PTPRF: variants seen among roughly 807,000 people sequenced by gnomAD.
PTPRF encodes protein tyrosine phosphatase receptor type F, also known as receptor-type tyrosine-protein phosphatase F.
Under a neutral mutation model 201.8 loss-of-function variants are expected in PTPRF, and 59 were observed. The ratio of observed to expected loss-of-function variants is 0.29; its 90% CI spans 0.24 to 0.36. The LOEUF (loss-of-function observed/expected upper bound fraction) is 0.36. PTPRF is among the 10% of genes least tolerant of loss of function. PTPRF has a pLI of 1.00. For synonymous variants in PTPRF, 1,088 were observed against 1,089.7 expected (o/e 1.00, Z 0.03); for missense variants, 2,132 against 2,690.5 (o/e 0.79, Z 4.59).
intron 23 of PTPRF, 132 bp from the exon 24 acceptor site, chr1:43,617,313 T>G: frequency 7.6e-7 from 1 of 1,319,434 alleles, no homozygotes; most frequent in Non-Finnish European, 1.0e-6. Context: ...CACCACGAGA[T>G]AGAGGGCCTG....
rs979905858 is a variant in PTPRF, at chr1:43,553,317, T to C, written c.92-175T>C. 7.2e-5 allele frequency among the ~76,000 whole-genome samples: 11 copies of C among 152,140 alleles called. No homozygotes were observed. Among genetic ancestry groups the C allele is most frequent in the African/African-American group, 2.7e-4 (11 of 41,432 alleles). ...ACTCACCTCATATGCTTAACAGAGT[T>C]AAAAAATGTTAAACTCTCTGAACAG... On this transcript the variant is annotated intron_variant, in intron 3 of 33. Transcript: ENST00000359947. This position sits in a 1 kb window ranked among gnomAD's most constrained non-coding sequence, Gnocchi z 4.1.
Position 43,553,666 on chromosome 1 carries a change from G to A in PTPRF, c.237+29G>A, listed in dbSNP as rs1385240597. 1 of 1,613,312 alleles carries A rather than the reference G, an allele frequency of 6.2e-7. No individual in the cohort carries two copies. On this transcript the variant is annotated intron_variant, in intron 4 of 33. Transcript: ENST00000359947. This position sits in a 1 kb window ranked among gnomAD's most constrained non-coding sequence, Gnocchi z 4.1. ...CGTCTGTGGTGGGAAGGGGTCGGCA[G>A]GGCTCAGGGTCTGCCCACACTCTCT...
At chr1:43,608,052 A>T (rs140926479) in intron 21 of PTPRF, among the ~76,000 whole-genome samples, 1 of 152,190 alleles carries the variant, frequency 6.6e-6, no homozygotes, top group African/African-American at 2.4e-5. Context: ...CCTACCCTGG[A>T]CCCACTGTTC....
At chr1:43,608,773 G>A (rs935239131) in intron 21 of PTPRF, among the ~76,000 whole-genome samples, 6 of 152,176 alleles carry the variant, frequency 3.9e-5, no homozygotes, top group Admixed American at 6.5e-5. Context: ...TCTTCTTTCC[G>A]AAGCACATGC....
Position 43,553,484 on chromosome 1 carries a change from T to C in PTPRF, c.92-8T>C. 6.2e-7 allele frequency: 1 copy of C among 1,613,412 alleles called. No homozygotes were observed. Among genetic ancestry groups the C allele is most frequent in the Non-Finnish European group, 8.5e-7 (1 of 1,179,480 alleles). ...GCTGTGGTGACTTGGTGTCTCCATC[T>C]CTTCCAGGCAAACCTGTCTTCATTA... On this transcript the variant is annotated splice_polypyrimidine_tract_variant and splice_region_variant and intron_variant, in intron 3 of 33. Coordinates refer to ENST00000359947, the MANE Select transcript of PTPRF (RefSeq NM_002840.5). This position sits in a 1 kb window ranked among gnomAD's most constrained non-coding sequence, Gnocchi z 4.1.
chr1:43,609,251 A>G, intron 21 of PTPRF, 132 bp from the exon 22 acceptor site: 1 of 692,276 alleles, frequency 1.4e-6, no homozygotes, highest in Non-Finnish European at 2.5e-6. Flanking sequence ...GCGCTCAGAG[A>G]TCCTGGGAAG....
chr1:43,598,181 C>T (rs2154021051), intron 12 of PTPRF, 128 bp downstream of exon 12: 2 of 1,015,614 alleles, frequency 2.0e-6, no homozygotes, highest in Admixed American at 3.4e-5. Context: ...GGTGTAATGG[C>T]CTAAAGTGGG....
In PTPRF at chr1:43,588,472, A is replaced by T. The variant is rs188843171; in HGVS notation, c.680-259A>T. On this transcript the variant is annotated intron_variant, in intron 7 of 33. Transcript: ENST00000359947. This position sits in a 1 kb window ranked among gnomAD's most constrained non-coding sequence, Gnocchi z 5.3. ...AGGCCTCAGTTTCCTAGGCTATAAA[A>T]TGGGAGCTTGGTTGCAAGATCTCTC... 6.6e-6 allele frequency among the ~76,000 whole-genome samples: 1 copy of T among 152,230 alleles called. No homozygotes were observed. The highest frequency in any genetic ancestry group is 1.9e-4 in the East Asian group (1 of 5,162).
At chr1:43,577,646 A>AG (rs1041092605) in intron 6 of PTPRF, among the ~76,000 whole-genome samples, 4 of 152,064 alleles carry the variant, frequency 2.6e-5, no homozygotes, top group South Asian at 2.1e-4. Flanking sequence ...CAGTCCAGGC[A>AG]GGGGGGGCCC....
At chr1:43,552,644 G>A (rs1303290470) in intron 3 of PTPRF, among the ~76,000 whole-genome samples, 3 of 152,182 alleles carry the variant, frequency 2.0e-5, no homozygotes, top group African/African-American at 7.2e-5. Context: ...CAAGATTAAC[G>A]AGCTATTGCT....
rs141490430 is a variant in PTPRF, at chr1:43,621,957, G to A, written c.5678G>A (p.Arg1893His). The A allele has an allele frequency of 5.7e-4, 916 of 1,614,104 alleles. No homozygotes were observed. Among genetic ancestry groups the A allele is most frequent in the South Asian group, 1.1e-3 (104 of 91,078 alleles). The part of the protein sequence containing the change: ...QTEDQYQLCY[R>H]AALEYLGSFD... ...CAGGACCAGTATCAGCTGTGCTACC[G>A]TGCGGCCCTGGAGTACCTCGGCAGC... Residue 1893 changes from arginine (R) to histidine (H), a missense_variant, in exon 34 of 34, where the codon CGT becomes CAT. By Grantham distance (29) the Arg-to-His change is conservative. Transcript: ENST00000359947.
intron 6 of PTPRF, chr1:43,575,973 G>T (rs1327187007): frequency 1.5e-6 from 2 of 1,360,142 alleles, no homozygotes; most frequent in African/African-American, 3.0e-5. Context: ...CCTTGCCACT[G>T]CCGTCACCTC....
intron 6 of PTPRF, among the ~76,000 whole-genome samples, chr1:43,571,580 G>A (rs1161204172): frequency 6.6e-6 from 1 of 152,208 alleles, no homozygotes; most frequent in Non-Finnish European, 1.5e-5. Context: ...AAGTTGGTTT[G>A]AGAGCTCTCA....
In PTPRF at chr1:43,604,197, C is replaced by T; in HGVS notation, c.3037+8C>T. On this transcript the variant is annotated splice_region_variant and intron_variant, in intron 16 of 33. Transcript: ENST00000359947. Reference sequence around the variant, plus strand: ...CCATGCCGGTGGAGCAAGGTGTGTGCTGTGGACATGGCATCCCTTCCCGAG... The same window carrying T: ...CCATGCCGGTGGAGCAAGGTGTGTGTTGTGGACATGGCATCCCTTCCCGAG... 6.2e-7 allele frequency: 1 copy of T among 1,611,058 alleles called. No individual in the cohort carries two copies. Among genetic ancestry groups the T allele is most frequent in the East Asian group, 2.2e-5 (1 of 44,824 alleles).
At chr1:43,596,753 G>A (rs1318839461) in intron 11 of PTPRF, among the ~76,000 whole-genome samples, 1 of 152,234 alleles carries the variant, frequency 6.6e-6, no homozygotes, top group African/African-American at 2.4e-5. Flanking sequence ...TTCTCCATAT[G>A]TGGCTGTGTG....
intron 2 of PTPRF, among the ~76,000 whole-genome samples, chr1:43,540,668 A>G (rs2782639): frequency 0.27 from 40,471 of 152,142 alleles, 6,059 homozygotes; most frequent in South Asian, 0.43. Context: ...AGATGGAGAA[A>G]CTGAGAGCTG....
In PTPRF at chr1:43,606,795, G is replaced by C. The variant is rs1326971623; in HGVS notation, c.3703-19G>C. On this transcript the variant is annotated intron_variant, in intron 20 of 33. Transcript: ENST00000359947. ...TCTCACGCTGAGCTCACAGCCTGCT[G>C]TTCTCCACCGGGCCACAGAAGCGCT... is the stretch of plus-strand genomic sequence containing the variant. 1 of 1,610,558 alleles carries C rather than the reference G, an allele frequency of 6.2e-7. No individual in the cohort carries two copies. Among genetic ancestry groups the C allele is most frequent in the Non-Finnish European group, 8.5e-7 (1 of 1,178,638 alleles).
Position 43,545,851 on chromosome 1 carries a change from T to C in PTPRF, c.91+685T>C, listed in dbSNP as rs186212495. Among the ~76,000 whole-genome samples, 160 of 152,286 alleles carry C rather than the reference T, an allele frequency of 1.1e-3. 1 individual carries two copies. Among genetic ancestry groups the C allele is most frequent in the Middle Eastern group, 3.4e-3 (1 of 294 alleles). On this transcript the variant is annotated intron_variant, in intron 3 of 33. Transcript: ENST00000359947. ...GGAATTGTCCCCATCCAGATCCAACTCCGAACTTTGGTCCCTTTCCTGCTG... is the reference window on the plus strand; with the variant it reads ...GGAATTGTCCCCATCCAGATCCAACCCCGAACTTTGGTCCCTTTCCTGCTG...
At position 43,620,137 on chromosome 1, in the gene PTPRF, G is replaced by A. The variant is rs1337188800; in HGVS notation, c.5154G>A (p.Glu1718=). 1 of 1,614,102 alleles carries A rather than the reference G, an allele frequency of 6.2e-7. No homozygotes were observed. Among genetic ancestry groups the A allele is most frequent in the Admixed American group, 1.7e-5 (1 of 60,016 alleles). Residue 1718 remains glutamate, a synonymous_variant, in exon 30 of 34, where the codon GAG becomes GAA. Transcript: ENST00000359947. ...TAGCTACACAGGGGCCTCTGGCAGA[G>A]AGCACCGAGGACTTCTGGCGCATGC... is the stretch of plus-strand genomic sequence containing the variant. ...AYIATQGPLA[E]STEDFWRMLW... is the part of the protein sequence containing the mutation.
Sources: gnomAD v4.1 joint callset for allele counts (sites outside exome capture counted in the v4.1 genomes callset) on GRCh38, gnomAD v4.1.1 for gene constraint, Gnocchi (gnomAD v3.1) non-coding constraint, MANE v1.5 for transcripts, NCBI Gene and HGNC (gene_info 2026-07-23, HGNC 2026-07-21) for gene names.